The following C2CD3 variants were observed in gnomAD, a reference collection of about 807,000 sequenced individuals.
The protein encoded by C2CD3 is C2 domain-containing protein 3.
Under a neutral mutation model 234.0 loss-of-function variants are expected in C2CD3, and 148 were observed. The observed-to-expected ratio is 0.63, with a 90% CI of 0.55 to 0.72. The LOEUF (loss-of-function observed/expected upper bound fraction) is 0.72. C2CD3 is among the 30% of genes least tolerant of loss of function. C2CD3 has a pLI of 0.00. For synonymous variants in C2CD3, 1,000 were observed against 1,035.4 expected, an observed-to-expected ratio of 0.97 and a Z score of 0.66; for missense variants, 2,577 against 2,811.5, an observed-to-expected ratio of 0.92 and a Z score of 1.89.
Position 74,092,441 on chromosome 11 carries a change from C to T in C2CD3, c.3492G>A (p.Arg1164=). Residue 1164 remains arginine, a synonymous_variant, in exon 19 of 33, where the codon AGG becomes AGA. Coordinates refer to ENST00000334126, the MANE Select transcript of C2CD3 (RefSeq NM_001286577.2). ...NLPLTPRIEN[R]KELRNQSSGL... ...CTGATGACTGGTTCCTCAATTCTTTCCTGTTCTCAATCCTGGGGGTTAAAG... is the reference window on the plus strand; with the variant it reads ...CTGATGACTGGTTCCTCAATTCTTTTCTGTTCTCAATCCTGGGGGTTAAAG... 6.2e-7 allele frequency: 1 copy of T among 1,613,814 alleles called. No individual in the cohort carries two copies.
chr11:74,047,325 T>C (rs996949163), intron 28 of C2CD3, among the ~76,000 whole-genome samples: 105 of 152,364 alleles, frequency 6.9e-4, no homozygotes, highest in African/African-American at 2.4e-3. Flanking sequence ...ATTAACCTTT[T>C]AGCTTTTAAA....
rs1452674622 is a variant in C2CD3, at chr11:74,133,435, C to G, written c.1078G>C (p.Ala360Pro). The G allele has an allele frequency of 6.2e-7, 1 of 1,613,596 alleles. No individual in the cohort carries two copies. The highest frequency in any genetic ancestry group is 2.2e-5 in the East Asian group (1 of 44,880). The stretch of plus-strand genomic sequence containing the variant: ...TATCCTGTAACTTACTGTGTTGATG[C>G]TCTAAGAGAATCTTCATTAATAGGA... ...HPPINEDSLR[A>P]STQIRAFSRN... Residue 360 changes from alanine (A) to proline (P), a missense_variant, in exon 6 of 33, where the codon GCA (alanine) becomes CCA (proline). Ala to Pro is a conservative substitution (Grantham distance 27). Transcript: ENST00000334126.
chr11:74,147,282 G>A (rs1004033595), intron 3 of C2CD3, among the ~76,000 whole-genome samples: 3 of 151,902 alleles, frequency 2.0e-5, no homozygotes, highest in African/African-American at 7.3e-5. Flanking sequence ...CAGGTGTCGT[G>A]GTGTGCACCT....
Position 74,058,461 on chromosome 11 carries a change from T to C in C2CD3, c.4952-917A>G, listed in dbSNP as rs552118812. Among the ~76,000 whole-genome samples the C allele has an allele frequency of 5.3e-5, 8 of 152,298 alleles. No homozygotes were observed. The South Asian group carries it at 8.3e-4, about 16-fold the overall frequency. On this transcript the variant is annotated intron_variant, in intron 24 of 32. Transcript: ENST00000334126. ...TAGATTTCTATCATTATTTCTATCA[T>C]TGTTATTTCTATCATTATTATTTCT...
intron 16 of C2CD3, among the ~76,000 whole-genome samples, chr11:74,096,607 C>A (rs1400609289): frequency 6.6e-6 from 1 of 152,052 alleles, no homozygotes; most frequent in East Asian, 1.9e-4. Context: ...GGAGGAAAAA[C>A]AATTGTTTTT....
chr11:74,096,502 A>G (rs762314782), intron 16 of C2CD3, among the ~76,000 whole-genome samples: 29 of 152,148 alleles, frequency 1.9e-4, no homozygotes, highest in South Asian at 8.3e-4. Flanking sequence ...AAAATCTCTC[A>G]GAGTCACAAC....
chr11:74,028,461 C>T (rs1952395153), intron 31 of C2CD3, 63 bp from the exon 32 acceptor site: 7 of 960,570 alleles, frequency 7.3e-6, no homozygotes, highest in Non-Finnish European at 1.1e-5. Flanking sequence ...TGGAGGCCAG[C>T]ATCTCCACTG....
Position 74,133,544 on chromosome 11 carries a change from T to G in C2CD3, c.969A>C (p.Gln323His), listed in dbSNP as rs962012625. 1.2e-6 allele frequency: 2 copies of G among 1,614,064 alleles called. No homozygotes were observed. The highest frequency in any genetic ancestry group is 1.7e-6 in the Non-Finnish European group (2 of 1,179,970). Residue 323 changes from glutamine to histidine, a missense_variant, in exon 6 of 33, where the codon CAA (glutamine) becomes CAC (histidine). Coordinates refer to ENST00000334126, the MANE Select transcript of C2CD3 (RefSeq NM_001286577.2). Reference sequence around the variant, plus strand: ...CCATGGCATTACGCAGTTTATTGCCTTGTTCTAACAGAGCTGAAGAGGGTA... The same window carrying G: ...CCATGGCATTACGCAGTTTATTGCCGTGTTCTAACAGAGCTGAAGAGGGTA... ...TKDLLSALLE[Q>H]GNKLRNAMVI...
At chr11:74,040,204 T>C (rs1326338283) in intron 29 of C2CD3, among the ~76,000 whole-genome samples, 2 of 152,114 alleles carry the variant, frequency 1.3e-5, no homozygotes, top group Admixed American at 6.5e-5. Flanking sequence ...GGGATCTAGG[T>C]TGTGCGCTCC....
chr11:74,117,332 G>C (rs1389803441), intron 9 of C2CD3, among the ~76,000 whole-genome samples: 1 of 121,980 alleles, frequency 8.2e-6, no homozygotes, highest in Non-Finnish European at 1.7e-5. Flanking sequence ...CAAATAATTA[G>C]GTGACATCGT....
intron 3 of C2CD3, among the ~76,000 whole-genome samples, chr11:74,152,490 C>G (rs1191800867): frequency 1.3e-5 from 2 of 152,204 alleles, no homozygotes; most frequent in Non-Finnish European, 2.9e-5. Flanking sequence ...TACGTTAACT[C>G]TTCCAATAAA....
At chr11:74,126,567 A>T (rs1209182792) in intron 7 of C2CD3, among the ~76,000 whole-genome samples, 2 of 152,038 alleles carry the variant, frequency 1.3e-5, no homozygotes, top group African/African-American at 4.8e-5. Context: ...ACACGGTGAA[A>T]CCCCATCTCT....
Position 74,033,918 on chromosome 11 carries a change from G to A in C2CD3, c.6242C>T (p.Thr2081Ile), listed in dbSNP as rs1952617604. The A allele has an allele frequency of 6.5e-7, 1 of 1,536,128 alleles. No individual in the cohort carries two copies. The highest frequency in any genetic ancestry group is 1.2e-5 in the South Asian group (1 of 84,062). ...ACTAGACCAAGGGCTAGTTTTGTCT[G>A]TCACCGTGGTGATCTCATTTAAGGT... ...PRTLNEITTV[T>I]DKTSPWSSVI... The change falls in exon 31 of 33, where the codon ACA (threonine) becomes ATA (isoleucine). Residue 2081 changes from threonine to isoleucine, a missense_variant. By Grantham distance (89) the Thr-to-Ile change is moderately conservative. Transcript: ENST00000334126.
intron 32 of C2CD3, among the ~76,000 whole-genome samples, chr11:74,019,308 G>A (rs948856160): frequency 4.1e-5 from 6 of 146,106 alleles, no homozygotes; most frequent in African/African-American, 1.7e-4. Context: ...TTGCAGTCTG[G>A]GCCAGGGTGG....
intron 7 of C2CD3, among the ~76,000 whole-genome samples, chr11:74,123,847 T>G (rs1189055097): frequency 6.6e-6 from 1 of 151,548 alleles, no homozygotes; most frequent in East Asian, 1.9e-4. Flanking sequence ...CAAGTGATTC[T>G]CCTGCCTTAG....
At chr11:74,095,553 C>T in intron 16 of C2CD3, 145 bp from the exon 17 acceptor site, 1 of 548,372 alleles carries the variant, frequency 1.8e-6, no homozygotes, top group Non-Finnish European at 3.1e-6. Flanking sequence ...CATTGTAACT[C>T]TCACAACTAC....
chr11:74,126,317 G>C (rs1957412841), intron 7 of C2CD3, among the ~76,000 whole-genome samples: 1 of 151,954 alleles, frequency 6.6e-6, no homozygotes, highest in South Asian at 2.1e-4. Context: ...TGGTCTCTCA[G>C]TATTTTAAAA....
At chr11:74,087,390 C>T (rs535601424) in intron 20 of C2CD3, among the ~76,000 whole-genome samples, 2 of 151,926 alleles carry the variant, frequency 1.3e-5, no homozygotes, top group Non-Finnish European at 2.9e-5. Flanking sequence ...ATGACGAAAC[C>T]CCATCTCTAC....
intron 3 of C2CD3, among the ~76,000 whole-genome samples, chr11:74,150,516 CAAAAAAAAAACAA>C (rs1565348193): frequency 1.5e-5 from 1 of 66,002 alleles, no homozygotes; most frequent in African/African-American, 7.1e-5. Context: ...AAAAAAAAAA[CAAAAAAAAAACAA>C]AACAAATTTC....
Sources: allele counts gnomAD v4.1 joint callset (sites outside exome capture counted in the v4.1 genomes callset), GRCh38; gene constraint gnomAD v4.1.1; transcripts MANE v1.5; gene names NCBI Gene and HGNC (gene_info 2026-07-23, HGNC 2026-07-21).